Variants in FAM171A2 observed in about 807,000 individuals in gnomAD.
The protein encoded by FAM171A2 is family with sequence similarity 171 member A2.
A neutral mutation model predicts 34.2 loss-of-function variants in FAM171A2; 13 were observed. The observed-to-expected ratio is 0.38, with a 90% CI of 0.25 to 0.60. The LOEUF (loss-of-function observed/expected upper bound fraction) is 0.60. Ranked by LOEUF, FAM171A2 falls within the 20% of genes least tolerant of loss-of-function variation. The pLI is 0.62. For synonymous variants in FAM171A2, 475 were observed against 561.2 expected, an observed-to-expected ratio of 0.85 and a Z score of 2.17; for missense variants, 950 against 1,180.7, an observed-to-expected ratio of 0.80 and a Z score of 2.86.
chr17:44,355,923 C>T lies in FAM171A2; in HGVS notation c.895+35G>A, dbSNP rs1177054810. The T allele has an allele frequency of 6.5e-7, 1 of 1,543,906 alleles. No homozygotes were observed. Among genetic ancestry groups the T allele is most frequent in the South Asian group, 1.2e-5 (1 of 83,096 alleles). ...GTCTGCTCTCCCAGCTCCCCTCCTC[C>T]GCGGCCTCTACGCCCACTGCCCCAC... is the stretch of plus-strand genomic sequence containing the variant. On this transcript the variant is annotated intron_variant, in intron 6 of 7. Coordinates refer to ENST00000293443, the MANE Select transcript of FAM171A2 (RefSeq NM_198475.3). The surrounding 1 kb of genome is among the most constrained non-coding windows in gnomAD (Gnocchi z 4.1).
In FAM171A2 at chr17:44,355,920, C is replaced by G; in HGVS notation, c.895+38G>C. On this transcript the variant is annotated intron_variant, in intron 6 of 7. Coordinates refer to ENST00000293443, the MANE Select transcript of FAM171A2 (RefSeq NM_198475.3). The surrounding 1 kb of genome is among the most constrained non-coding windows in gnomAD (Gnocchi z 4.1). ...GAAGTCTGCTCTCCCAGCTCCCCTC[C>G]TCCGCGGCCTCTACGCCCACTGCCC... 2.6e-6 allele frequency: 4 copies of G among 1,543,938 alleles called. No homozygotes were observed. Among genetic ancestry groups the G allele is most frequent in the Non-Finnish European group, 3.5e-6 (4 of 1,142,214 alleles).
In FAM171A2 at chr17:44,353,465, C is replaced by T. The variant is rs940877772; in HGVS notation, c.*268G>A. ...CAATAGAGCTTTCTATGTACAGCCA[C>T]GTCTACACAGGCACTGCTTCCCCCC... On this transcript the variant is annotated 3_prime_UTR_variant, in exon 8 of 8. Transcript: ENST00000293443. 7 of 205,854 alleles carry T rather than the reference C, an allele frequency of 3.4e-5. No homozygotes were observed. The highest frequency in any genetic ancestry group is 5.8e-5 in the Non-Finnish European group (6 of 104,012). 12.8% of individuals were successfully genotyped at this position (205,854 alleles called of 1,614,324 possible).
chr17:44,356,620 C>A (rs1398402005), intron 3 of FAM171A2, 32 bp from the exon 4 acceptor site: 2 of 1,513,478 alleles, frequency 1.3e-6, no homozygotes, highest in Non-Finnish European at 1.8e-6. Context: ...AGTGGCTTGA[C>A]CATGGACAGG....
intron 3 of FAM171A2, 29 bp downstream of exon 3, chr17:44,359,550 G>C: frequency 6.5e-7 from 1 of 1,536,464 alleles, no homozygotes; most frequent in South Asian, 1.2e-5. Context: ...GAAGGAAGAA[G>C]AGTTGGCGTG....
At position 44,360,118 on chromosome 17, in the gene FAM171A2, C is replaced by T; in HGVS notation, c.133G>A (p.Val45Met). 6.4e-7 allele frequency: 1 copy of T among 1,551,506 alleles called. No homozygotes were observed. Among genetic ancestry groups the T allele is most frequent in the Non-Finnish European group, 8.7e-7 (1 of 1,146,900 alleles). ...PPSPQEILIK[V>M]QVYVSGELVP... is the part of the protein sequence containing the mutation. ...AGCTCCCCGCTCACATACACCTGCA[C>T]CTTGATCAGGATCTCTGTGGGCAAG... Residue 45 changes from valine (V) to methionine (M), a missense_variant, in exon 2 of 8, where the codon GTG (valine) becomes ATG (methionine). Val to Met is a conservative substitution (Grantham distance 21). Transcript: ENST00000293443.
rs141824631 is a variant in FAM171A2 at position 44,357,730 on chromosome 17, C to CGT, written c.440-1144_440-1143dup. On this transcript the variant is annotated intron_variant, in intron 3 of 7. Transcript: ENST00000293443. Reference sequence around the variant, plus strand: ...GGCTACTGCATTAGACAGTTTAGGTCGTGTGTGTGTGTGTGTGTGTGTGTG... The same window carrying CGT: ...GGCTACTGCATTAGACAGTTTAGGTCGTGTGTGTGTGTGTGTGTGTGTGTGTG... 7.1e-3 allele frequency among the ~76,000 whole-genome samples: 1,012 copies of CGT among 143,352 alleles called. 9 individuals are homozygous for CGT. Among genetic ancestry groups the CGT allele is most frequent in the Middle Eastern group, 0.025 (7 of 282 alleles). 94.0% of individuals were successfully genotyped at this position (143,352 alleles called of 152,430 possible). A position where few individuals can be genotyped will look rare whatever the true frequency, so the allele number is the denominator to read the frequency against.
chr17:44,362,223 C>T (rs898582125), intron 1 of FAM171A2, among the ~76,000 whole-genome samples: 1 of 152,112 alleles, frequency 6.6e-6, no homozygotes, highest in African/African-American at 2.4e-5. Context: ...CCCTGGGCCC[C>T]TTCCCCTGAG....
intron 1 of FAM171A2, among the ~76,000 whole-genome samples, chr17:44,361,163 G>A (rs540240643): frequency 2.4e-4 from 37 of 152,356 alleles, no homozygotes; most frequent in Admixed American, 1.2e-3. Flanking sequence ...TCAGGCAGGC[G>A]TCCTGCCCTC....
chr17:44,356,310 C>T lies in FAM171A2; in HGVS notation c.641G>A (p.Ser214Asn). ...WLELMPLTAV[S>N]VHLLTGNGTE... is the part of the protein sequence containing the mutation. ...CCCATTACCTGTCAGCAGGTGCACG[C>T]TCACAGCAGTCAGGGGCATCAGCTC... Residue 214 changes from serine (S) to asparagine (N), a missense_variant, in exon 5 of 8, where the codon AGC (serine) becomes AAC (asparagine). By Grantham distance (46) the Ser-to-Asn change is conservative (BLOSUM62 1). Coordinates refer to ENST00000293443, the MANE Select transcript of FAM171A2 (RefSeq NM_198475.3). 2 of 1,550,220 alleles carry T rather than the reference C, an allele frequency of 1.3e-6. No individual in the cohort carries two copies. Among genetic ancestry groups the T allele is most frequent in the South Asian group, 2.4e-5 (2 of 84,028 alleles).
chr17:44,359,364 A>G (rs2048438520), intron 3 of FAM171A2: 1 of 576,006 alleles, frequency 1.7e-6, no homozygotes, highest in African/African-American at 1.9e-5. Context: ...ACATTTATTG[A>G]ACACCTTCTG....
chr17:44,362,662 C>T (rs766991261), intron 1 of FAM171A2, among the ~76,000 whole-genome samples: 4 of 152,352 alleles, frequency 2.6e-5, no homozygotes, highest in East Asian at 3.9e-4. Flanking sequence ...CTTGCTCCCC[C>T]ACCCTTTCCT....
rs776485548 is a variant in FAM171A2, at chr17:44,355,915, C to A, written c.895+43G>T. 6.5e-7 allele frequency: 1 copy of A among 1,545,184 alleles called. No homozygotes were observed. Among genetic ancestry groups the A allele is most frequent in the Non-Finnish European group, 8.7e-7 (1 of 1,142,930 alleles). On this transcript the variant is annotated intron_variant, in intron 6 of 7. Transcript: ENST00000293443. This position sits in a 1 kb window ranked among gnomAD's most constrained non-coding sequence, Gnocchi z 4.1. ...TTTCAGAAGTCTGCTCTCCCAGCTC[C>A]CCTCCTCCGCGGCCTCTACGCCCAC...
Position 44,363,648 on chromosome 17 carries a change from T to G in FAM171A2, c.67A>C (p.Ser23Arg). The G allele has an allele frequency of 1.6e-6, 2 of 1,228,744 alleles. No individual in the cohort carries two copies. The highest frequency in any genetic ancestry group is 2.0e-6 in the Non-Finnish European group (2 of 985,496). 76.1% of individuals were successfully genotyped at this position (1,228,744 alleles called of 1,614,324 possible). The change falls in exon 1 of 8, where the codon AGC becomes CGC. Residue 23 changes from serine (S) to arginine (R), a missense_variant. By Grantham distance (110) the Ser-to-Arg change is moderately radical. Transcript: ENST00000293443. ...LLPLLGLLLG[S>R]ASRAPGKSPP... ...GACTTGCCGGGAGCCCGGGAGGCGC[T>G]GCCGAGCAGCAGCCCCAGCAGCGGC... is the stretch of plus-strand genomic sequence containing the variant.
chr17:44,356,922 C>T (rs927749859), intron 3 of FAM171A2, among the ~76,000 whole-genome samples: 5 of 152,294 alleles, frequency 3.3e-5, no homozygotes, highest in East Asian at 1.9e-4. Context: ...CAAAGATGAA[C>T]GTCTGCTGTG....
chr17:44,359,762 C>T, intron 2 of FAM171A2, 91 bp from the exon 3 acceptor site: 3 of 1,334,992 alleles, frequency 2.2e-6, no homozygotes, highest in Non-Finnish European at 3.1e-6. Flanking sequence ...GAGGCTTCAC[C>T]CTCCCTCAGC....
chr17:44,355,149 C>T lies in FAM171A2; in HGVS notation c.1065G>A (p.Gln355=), dbSNP rs1428847035. 1 of 1,550,990 alleles carries T rather than the reference C, an allele frequency of 6.4e-7. No homozygotes were observed. Among genetic ancestry groups the T allele is most frequent in the Admixed American group, 2.0e-5 (1 of 50,998 alleles). Residue 355 remains glutamine (Q), a synonymous_variant, in exon 8 of 8, where the codon CAG becomes CAA. Transcript: ENST00000293443. The surrounding 1 kb of genome is among the most constrained non-coding windows in gnomAD (Gnocchi z 4.1). ...TGTTACCGTCAGAGGGCCCCGAGAG[C>T]TGCAGCTTGCGGTGCTGTTGCCTCG... ...LKPRQQHRKL[Q]LSGPSDGNKR...
At position 44,354,676 on chromosome 17, in the gene FAM171A2, A is replaced by C; in HGVS notation, c.1538T>G (p.Leu513Arg). 1 of 1,329,556 alleles carries C rather than the reference A, an allele frequency of 7.5e-7. No homozygotes were observed. Among genetic ancestry groups the C allele is most frequent in the Non-Finnish European group, 9.6e-7 (1 of 1,038,986 alleles). The allele number at this position is 1,329,556 out of a possible 1,614,324, so 82.4% of individuals were successfully genotyped here. A position where few individuals can be genotyped will look rare whatever the true frequency, so the allele number is the denominator to read the frequency against. Residue 513 changes from leucine to arginine, a missense_variant, in exon 8 of 8, where the codon CTG (leucine) becomes CGG (arginine). Physicochemically the swap from Leu to Arg is moderately radical, Grantham distance 102. This residue lies in a region of FAM171A2 where 752 missense variants were observed against 924.5 expected (regional missense o/e 0.81). Coordinates refer to ENST00000293443, the MANE Select transcript of FAM171A2 (RefSeq NM_198475.3). This position sits in a 1 kb window ranked among gnomAD's most constrained non-coding sequence, Gnocchi z 5.8. ...SVDQLARPPS[L>R]GQAGQLIFCG... ...GAAGATGAGCTGCCCCGCCTGGCCCAGCGACGGCGGCCGCGCCAGCTGGTC... is the reference window on the plus strand; with the variant it reads ...GAAGATGAGCTGCCCCGCCTGGCCCCGCGACGGCGGCCGCGCCAGCTGGTC...
In FAM171A2 at chr17:44,355,622, G is replaced by A. The variant is rs1398644736; in HGVS notation, c.1022+93C>T. Reference sequence around the variant, plus strand: ...GTTTGCAGGAAGTCTTTTCCTGTCTGCCCCTTGAGGACCAGAAGTGGATTT... The same window carrying A: ...GTTTGCAGGAAGTCTTTTCCTGTCTACCCCTTGAGGACCAGAAGTGGATTT... On this transcript the variant is annotated intron_variant, in intron 7 of 7. Transcript: ENST00000293443. The surrounding 1 kb of genome is among the most constrained non-coding windows in gnomAD (Gnocchi z 4.1). 2 of 1,493,498 alleles carry A rather than the reference G, an allele frequency of 1.3e-6. No homozygotes were observed. Among genetic ancestry groups the A allele is most frequent in the African/African-American group, 1.4e-5 (1 of 71,980 alleles). The allele number at this position is 1,493,498 out of a possible 1,614,324, so 92.5% of individuals were successfully genotyped here.
At position 44,355,554 on chromosome 17, in the gene FAM171A2, C is replaced by G. The variant is rs914759700; in HGVS notation, c.1022+161G>C. Among the ~76,000 whole-genome samples, 2 of 152,218 alleles carry G rather than the reference C, an allele frequency of 1.3e-5. No individual in the cohort carries two copies. Among genetic ancestry groups the G allele is most frequent in the African/African-American group, 4.8e-5 (2 of 41,450 alleles). ...AGCCCTGCCTCCCCTCCCACCTCCC[C>G]GCTGTCTTCAACCACCAGCACCAGC... is the stretch of plus-strand genomic sequence containing the variant. On this transcript the variant is annotated intron_variant, in intron 7 of 7. Coordinates refer to ENST00000293443, the MANE Select transcript of FAM171A2 (RefSeq NM_198475.3). The surrounding 1 kb of genome is among the most constrained non-coding windows in gnomAD (Gnocchi z 4.1).
Sources: allele counts gnomAD v4.1 joint callset (sites outside exome capture counted in the v4.1 genomes callset), GRCh38; gene constraint gnomAD v4.1.1; regional missense constraint gnomAD v4.1.1; non-coding constraint Gnocchi (gnomAD v3.1); transcripts MANE v1.5; gene names NCBI Gene and HGNC (gene_info 2026-07-23, HGNC 2026-07-21).